DGKD: variants seen among roughly 807,000 people sequenced by gnomAD.
DGKD encodes the protein diacylglycerol kinase delta.
Under a neutral mutation model 154.4 loss-of-function variants are expected in DGKD, and 68 were observed. That is an observed-to-expected ratio of 0.44 (90% CI 0.36 to 0.54). The LOEUF (loss-of-function observed/expected upper bound fraction) is 0.54. Ranked by LOEUF, DGKD falls within the 20% of genes least tolerant of loss-of-function variation. The pLI is 0.00. For missense variants in DGKD, 1,343 were observed against 1,593.6 expected, an observed-to-expected ratio of 0.84 and a Z score of 2.68; for synonymous variants, 693 against 638.0, an observed-to-expected ratio of 1.09 and a Z score of -1.30.
chr2:233,446,708 G>A lies in DGKD; in HGVS notation c.1335-4G>A, dbSNP rs766109677. On this transcript the variant is annotated splice_polypyrimidine_tract_variant and splice_region_variant and intron_variant, in intron 11 of 29. Coordinates refer to ENST00000264057, the MANE Select transcript of DGKD (RefSeq NM_152879.3). ...CGCCTGTGCAGCTGACCTTGTGTGT[G>A]CAGGTGGAGCGTCATGGCATACGAG... 6.2e-7 allele frequency: 1 copy of A among 1,613,516 alleles called. No homozygotes were observed. The highest frequency in any genetic ancestry group is 8.5e-7 in the Non-Finnish European group (1 of 1,179,928).
At position 233,365,427 on chromosome 2, in the gene DGKD, T is replaced by TGGG. The variant is rs1354839210; in HGVS notation, c.156+10755_156+10756insGGG. 4.0e-4 allele frequency among the ~76,000 whole-genome samples: 61 copies of TGGG among 151,800 alleles called. 1 individual carries two copies. In the East Asian group the frequency reaches 0.011, roughly 27 times the overall value. ...CTAATTTTTGTATTTTTAATAGAGA[T>TGGG]GGAGGGGGGGTCTCACCGTCTTGGT... On this transcript the variant is annotated intron_variant, in intron 1 of 29. Coordinates refer to ENST00000264057, the MANE Select transcript of DGKD (RefSeq NM_152879.3).
At position 233,446,736 on chromosome 2, in the gene DGKD, C is replaced by G; in HGVS notation, c.1359C>G (p.Ala453=). The change falls in exon 12 of 30, where the codon GCC becomes GCG. Residue 453 remains alanine, a synonymous_variant. Coordinates refer to ENST00000264057, the MANE Select transcript of DGKD (RefSeq NM_152879.3). The part of the protein sequence containing the change: ...LDRWSVMAYE[A]KLPRQASSST... ...GGTGGAGCGTCATGGCATACGAGGC[C>G]AAGCTCCCCCGGCAGGCCTCCTCCT... The G allele has an allele frequency of 6.2e-7, 1 of 1,614,156 alleles. No homozygotes were observed. Among genetic ancestry groups the G allele is most frequent in the Admixed American group, 1.7e-5 (1 of 60,032 alleles).
intron 1 of DGKD, among the ~76,000 whole-genome samples, chr2:233,360,352 G>A (rs1315355842): frequency 6.6e-6 from 1 of 152,108 alleles, no homozygotes; most frequent in African/African-American, 2.4e-5. Context: ...CTGGGCTCAG[G>A]CAATCCTCCT....
At chr2:233,386,067 A>T in intron 1 of DGKD, 1 of 454,550 alleles carries the variant, frequency 2.2e-6, no homozygotes, top group African/African-American at 2.0e-5. Context: ...TATGTATGAG[A>T]TGTGTAGCAG....
rs925742524 is a variant in DGKD at position 233,458,907 on chromosome 2, C to G, written c.2694+510C>G. Among the ~76,000 whole-genome samples the G allele has an allele frequency of 1.3e-5, 2 of 152,160 alleles. No individual in the cohort carries two copies. The highest frequency in any genetic ancestry group is 2.9e-5 in the Non-Finnish European group (2 of 68,034). Reference sequence around the variant, plus strand: ...CTGCACCCGGCCAAGATAACTCTTTCAAAATGTGTATCCTGCTTGAACCAC... The same window carrying G: ...CTGCACCCGGCCAAGATAACTCTTTGAAAATGTGTATCCTGCTTGAACCAC... On this transcript the variant is annotated intron_variant, in intron 22 of 29. Transcript: ENST00000264057. The surrounding 1 kb of genome is among the most constrained non-coding windows in gnomAD (Gnocchi z 6.6).
chr2:233,446,248 T>G (rs1056939131), intron 11 of DGKD, among the ~76,000 whole-genome samples: 2 of 152,256 alleles, frequency 1.3e-5, no homozygotes, highest in African/African-American at 4.8e-5. Context: ...ACCACATGCC[T>G]GTGGCACATG....
chr2:233,443,737 G>C (rs1347181972), intron 10 of DGKD, among the ~76,000 whole-genome samples: 2 of 152,226 alleles, frequency 1.3e-5, no homozygotes, highest in East Asian at 3.8e-4. Context: ...CCTGCTGGTG[G>C]ATTAGCATAG....
rs766719184 is a variant in DGKD at position 233,469,443 on chromosome 2, C to A, written c.3628C>A (p.Pro1210Thr). ...CGIKELSRSAPAVEA is the reference protein window; with the variant it reads ...CGIKELSRSATAVEA ...CATCAAGGAGCTGAGCCGCAGCGCCCCCGCCGTCGAGGCCTAGCCTCTGTC... is the reference window on the plus strand; with the variant it reads ...CATCAAGGAGCTGAGCCGCAGCGCCACCGCCGTCGAGGCCTAGCCTCTGTC... The change falls in exon 30 of 30, where the codon CCC becomes ACC. Residue 1210 changes from proline (P) to threonine (T), a missense_variant. Transcript: ENST00000264057. The A allele has an allele frequency of 6.2e-7, 1 of 1,603,952 alleles. No homozygotes were observed. The highest frequency in any genetic ancestry group is 1.7e-5 in the Admixed American group (1 of 58,894).
chr2:233,357,638 G>A (rs578256689), intron 1 of DGKD, among the ~76,000 whole-genome samples: 18 of 151,078 alleles, frequency 1.2e-4, no homozygotes, highest in African/African-American at 3.6e-4. Flanking sequence ...CTGGGCTTAA[G>A]TGATTTTCCT....
chr2:233,423,077 T>C (rs551668148), intron 3 of DGKD, among the ~76,000 whole-genome samples: 105 of 152,358 alleles, frequency 6.9e-4, no homozygotes, highest in Middle Eastern at 3.4e-3. Flanking sequence ...TTGAGGTTGA[T>C]GAGTCTTATC....
At chr2:233,385,414 C>T (rs1181330274) in intron 1 of DGKD, among the ~76,000 whole-genome samples, 1 of 152,118 alleles carries the variant, frequency 6.6e-6, no homozygotes, top group East Asian at 1.9e-4. Flanking sequence ...ACCTGCTGCT[C>T]TCTGACTGGA....
chr2:233,447,720 AAACAGCC>A, intron 12 of DGKD: 1 of 1,093,680 alleles, frequency 9.1e-7, no homozygotes, highest in Non-Finnish European at 1.1e-6. Context: ...AGCCAGGTGG[AAACAGCC>A]TCTGCTGCAA....
chr2:233,420,853 A>G (rs1006887761), intron 3 of DGKD, among the ~76,000 whole-genome samples: 5 of 152,292 alleles, frequency 3.3e-5, no homozygotes, highest in African/African-American at 4.8e-5. Context: ...GTGGACGTAC[A>G]CTTTCCCAGA....
chr2:233,435,566 G>C (rs1036476517), intron 5 of DGKD, among the ~76,000 whole-genome samples: 2 of 152,166 alleles, frequency 1.3e-5, no homozygotes, highest in Non-Finnish European at 2.9e-5. Flanking sequence ...AGCTGGTTGC[G>C]ACCTGCAGAG....
chr2:233,388,438 C>T, intron 2 of DGKD, 71 bp downstream of exon 2: 1 of 1,448,548 alleles, frequency 6.9e-7, no homozygotes, highest in Non-Finnish European at 9.4e-7. Flanking sequence ...ACTGGGGGTG[C>T]TGAGTCCTTG....
At position 233,436,118 on chromosome 2, in the gene DGKD, A is replaced by G. The variant is rs58592401; in HGVS notation, c.693+194A>G. ...CCCCGAGCTCCATCCTGTCCCTGTG[A>G]GTCTTGTTTGCACCTCCGACAGGTG... On this transcript the variant is annotated intron_variant, in intron 6 of 29. Transcript: ENST00000264057. 4.4e-3 allele frequency among the ~76,000 whole-genome samples: 675 copies of G among 152,160 alleles called. 4 individuals carry two copies. The highest frequency in any genetic ancestry group is 0.015 in the African/African-American group (643 of 41,488).
intron 1 of DGKD, among the ~76,000 whole-genome samples, chr2:233,384,262 G>A (rs1285577286): frequency 6.6e-6 from 1 of 152,098 alleles, no homozygotes; most frequent in Non-Finnish European, 1.5e-5. Flanking sequence ...TTATGACCTC[G>A]CTGCTGCATT....
rs182007376 is a variant in DGKD, at chr2:233,457,218, C to T, written c.2473-3C>T. ...TCTTTTGTTCTGTGTCTCTGCTGCTCAGTGTGACGGGCGACCCATCCCACT... is the reference window on the plus strand; with the variant it reads ...TCTTTTGTTCTGTGTCTCTGCTGCTTAGTGTGACGGGCGACCCATCCCACT... On this transcript the variant is annotated splice_polypyrimidine_tract_variant and splice_region_variant and intron_variant, in intron 20 of 29. Transcript: ENST00000264057. This position sits in a 1 kb window ranked among gnomAD's most constrained non-coding sequence, Gnocchi z 5.5. 73 of 1,515,328 alleles carry T rather than the reference C, an allele frequency of 4.8e-5. No individual in the cohort carries two copies. Among genetic ancestry groups the T allele is most frequent in the Non-Finnish European group, 3.2e-5 (36 of 1,130,864 alleles). The allele number at this position is 1,515,328 out of a possible 1,614,324, so 93.9% of individuals were successfully genotyped here.
intron 3 of DGKD, among the ~76,000 whole-genome samples, chr2:233,418,995 T>G (rs887684122): frequency 6.6e-6 from 1 of 152,180 alleles, no homozygotes; most frequent in Non-Finnish European, 1.5e-5. Context: ...GTCTGTTGTC[T>G]ACGCACATCC....
Sources: gnomAD v4.1 joint callset for allele counts (sites outside exome capture counted in the v4.1 genomes callset) on GRCh38, gnomAD v4.1.1 for gene constraint, Gnocchi (gnomAD v3.1) non-coding constraint, MANE v1.5 for transcripts, NCBI Gene and HGNC (gene_info 2026-07-23, HGNC 2026-07-21) for gene names.